ABLIM1: variants seen among roughly 807,000 people sequenced by gnomAD.
ABLIM1 encodes the protein actin binding LIM protein 1.
In ABLIM1, 40 loss-of-function variants were observed where a neutral mutation model predicts 107.0. The ratio of observed to expected loss-of-function variants is 0.37; its 90% CI spans 0.29 to 0.49. ABLIM1 has a LOEUF of 0.49. Ranked by LOEUF, ABLIM1 falls within the 20% of genes least tolerant of loss-of-function variation. The pLI, the probability that ABLIM1 is intolerant of heterozygous loss-of-function variation, is 0.97. For missense variants in ABLIM1, 857 were observed against 1,008.5 expected (o/e 0.85, Z 2.04); for synonymous variants, 357 against 357.3 (o/e 1.00, Z 0.01).
chr10:114,474,247 T>C (rs1478260304), intron 8 of ABLIM1, among the ~76,000 whole-genome samples: 1 of 152,130 alleles, frequency 6.6e-6, no homozygotes, highest in Non-Finnish European at 1.5e-5. Flanking sequence ...TTTCTCTCCC[T>C]CTCTACTGCC....
At chr10:114,740,270 A>G (rs933748926) in intron 1 of ABLIM1, among the ~76,000 whole-genome samples, 1 of 152,172 alleles carries the variant, frequency 6.6e-6, no homozygotes, top group Non-Finnish European at 1.5e-5. Context: ...ACTTTAAAGA[A>G]TAGGCATTTT....
In ABLIM1 at chr10:114,462,982, T is replaced by C; in HGVS notation, c.1441+2716A>G. ...CTCTTGGAGATACACCTTATTAGCC[T>C]TCCCAGGGTGCTAATAAATCTCCAC... On this transcript the variant is annotated intron_variant, in intron 12 of 22. Transcript: ENST00000533213. The C allele has an allele frequency of 1.8e-5, 23 of 1,299,748 alleles. No individual in the cohort carries two copies. The South Asian group carries it at 2.5e-4, about 14-fold the overall frequency. The allele number at this position is 1,299,748 out of a possible 1,614,324, so 80.5% of individuals were successfully genotyped here.
intron 4 of ABLIM1, among the ~76,000 whole-genome samples, chr10:114,565,794 T>TTTTTC (rs2070622255): frequency 1.5e-5 from 1 of 66,396 alleles, no homozygotes; most frequent in Non-Finnish European, 2.6e-5. Flanking sequence ...ATTTCTTTTT[T>TTTTTC]TTTTTTTTTT....
At chr10:114,568,724 T>C (rs995726337) in intron 4 of ABLIM1, among the ~76,000 whole-genome samples, 1 of 152,226 alleles carries the variant, frequency 6.6e-6, no homozygotes. Flanking sequence ...AGCAGTTGCA[T>C]AGAAATGGGA....
rs999188331 is a variant in ABLIM1 at position 114,629,758 on chromosome 10, G to A, written c.245-27797C>T. ...TCTAGGATGAATGCCTGGACTAAAC[G>A]ATCCCCAGTGCCCTTCTCACTTTAA... is the stretch of plus-strand genomic sequence containing the variant. On this transcript the variant is annotated intron_variant, in intron 1 of 22. Coordinates refer to ENST00000533213, the MANE Select transcript of ABLIM1 (RefSeq NM_002313.7). The surrounding 1 kb of genome is among the most constrained non-coding windows in gnomAD (Gnocchi z 4.0). 1.3e-5 allele frequency among the ~76,000 whole-genome samples: 2 copies of A among 152,078 alleles called. No homozygotes were observed. Among genetic ancestry groups the A allele is most frequent in the Non-Finnish European group, 2.9e-5 (2 of 68,026 alleles).
At chr10:114,443,672 T>TAAAAAAAAAAAAAAA (rs11418258) in intron 17 of ABLIM1, among the ~76,000 whole-genome samples, 5 of 107,334 alleles carry the variant, frequency 4.7e-5, no homozygotes, top group East Asian at 2.7e-4. Context: ...TCATGTTATC[T>TAAAAAAAAAAAAAAA]AAAAAAAAAA....
At chr10:114,533,333 T>C (rs1255194664) in intron 6 of ABLIM1, among the ~76,000 whole-genome samples, 2 of 151,986 alleles carry the variant, frequency 1.3e-5, no homozygotes, top group African/African-American at 4.8e-5. Flanking sequence ...GGAGGGAGAC[T>C]CTGTCTCAAA....
intron 1 of ABLIM1, among the ~76,000 whole-genome samples, chr10:114,630,448 T>C (rs990120928): frequency 6.6e-6 from 1 of 152,206 alleles, no homozygotes; most frequent in African/African-American, 2.4e-5. Flanking sequence ...ATCATTTCAC[T>C]CAATTACCAT....
In ABLIM1 at chr10:114,491,894, T is replaced by C; in HGVS notation, c.895-16A>G. ...TGTCACCTGCCTGCAAGAGAAAAGG[T>C]AGGGAACGTTGAGTCTGCTCCTTGT... On this transcript the variant is annotated splice_polypyrimidine_tract_variant and intron_variant, in intron 6 of 22. Transcript: ENST00000533213. 1 of 1,594,994 alleles carries C rather than the reference T, an allele frequency of 6.3e-7. No homozygotes were observed. Among genetic ancestry groups the C allele is most frequent in the South Asian group, 1.1e-5 (1 of 90,230 alleles).
At chr10:114,722,972 A>C (rs2142062762) in intron 1 of ABLIM1, among the ~76,000 whole-genome samples, 1 of 152,294 alleles carries the variant, frequency 6.6e-6, no homozygotes, top group Admixed American at 6.5e-5. Context: ...TCGCTTGCAG[A>C]CTGAGCACAT....
chr10:114,739,104 T>C (rs1006918166), intron 1 of ABLIM1, among the ~76,000 whole-genome samples: 2 of 152,308 alleles, frequency 1.3e-5, no homozygotes, highest in South Asian at 4.2e-4. Context: ...AGAAAATCCA[T>C]TGGATTTTAA....
intron 1 of ABLIM1, among the ~76,000 whole-genome samples, chr10:114,757,585 T>A (rs77316791): frequency 6.6e-6 from 1 of 152,214 alleles, no homozygotes; most frequent in South Asian, 2.1e-4. Context: ...GCAAGTTCTC[T>A]AAGCAATTCT....
intron 4 of ABLIM1, among the ~76,000 whole-genome samples, chr10:114,552,934 G>C (rs2137897126): frequency 6.6e-6 from 1 of 152,278 alleles, no homozygotes; most frequent in Middle Eastern, 3.4e-3. Flanking sequence ...GCACTTCAGT[G>C]CTCAGACATC....
intron 21 of ABLIM1, 38 bp from the exon 22 acceptor site, chr10:114,437,962 G>A (rs771703162): frequency 4.5e-6 from 7 of 1,570,056 alleles, no homozygotes; most frequent in Non-Finnish European, 5.3e-6. Flanking sequence ...GAACACCACA[G>A]TCCATTTTAT....
rs142397145 is a variant in ABLIM1 at position 114,447,999 on chromosome 10, T to C, written c.1616A>G (p.Lys539Arg). Residue 539 changes from lysine (K) to arginine (R), a missense_variant, in exon 15 of 23, where the codon AAG becomes AGG. By Grantham distance (26) the Lys-to-Arg change is conservative (BLOSUM62 2). Coordinates refer to ENST00000533213, the MANE Select transcript of ABLIM1 (RefSeq NM_002313.7). ...AAACTTGATGATATCTTCTGAGGAC[T>C]TGCTCTGGGCTGCCAAGGCAGCTGC... is the stretch of plus-strand genomic sequence containing the variant. ...KQHAALAAQSKSSEDIIKFSK... is the reference protein window; with the variant it reads ...KQHAALAAQSRSSEDIIKFSK... 1.2e-6 allele frequency: 2 copies of C among 1,614,038 alleles called. No homozygotes were observed. Among genetic ancestry groups the C allele is most frequent in the Non-Finnish European group, 1.7e-6 (2 of 1,180,008 alleles).
At chr10:114,505,547 G>T (rs1234672031) in intron 6 of ABLIM1, among the ~76,000 whole-genome samples, 1 of 152,206 alleles carries the variant, frequency 6.6e-6, no homozygotes, top group Non-Finnish European at 1.5e-5. Context: ...GGAAGGAATA[G>T]GGCAGTATCA....
At chr10:114,582,314 C>T (rs561418530) in intron 2 of ABLIM1, among the ~76,000 whole-genome samples, 2 of 152,130 alleles carry the variant, frequency 1.3e-5, no homozygotes, top group East Asian at 1.9e-4. Flanking sequence ...CAAAGAGGTG[C>T]AAGATGTCTA....
intron 2 of ABLIM1, among the ~76,000 whole-genome samples, chr10:114,597,273 T>G (rs932772656): frequency 2.0e-5 from 3 of 152,150 alleles, no homozygotes; most frequent in Admixed American, 1.3e-4. Flanking sequence ...GCTAAGGAAA[T>G]TCAGAGTGCT....
At chr10:114,728,862 A>G (rs1280282848) in intron 1 of ABLIM1, among the ~76,000 whole-genome samples, 1 of 152,156 alleles carries the variant, frequency 6.6e-6, no homozygotes, top group Non-Finnish European at 1.5e-5. Context: ...AACATTCTAT[A>G]TAGCAGGGTG....
Sources: gnomAD v4.1 joint callset for allele counts (sites outside exome capture counted in the v4.1 genomes callset) on GRCh38, gnomAD v4.1.1 for gene constraint, Gnocchi (gnomAD v3.1) non-coding constraint, MANE v1.5 for transcripts, NCBI Gene and HGNC (gene_info 2026-07-23, HGNC 2026-07-21) for gene names.